Variants in CEP85L observed in about 807,000 individuals in gnomAD.
CEP85L encodes centrosomal protein of 85 kDa-like.
A neutral mutation model predicts 100.3 loss-of-function variants in CEP85L; 60 were observed. The observed-to-expected ratio is 0.60, with a 90% CI of 0.49 to 0.74. The LOEUF is 0.74. Ranked by LOEUF, CEP85L falls within the 30% of genes least tolerant of loss-of-function variation. The probability of loss-of-function intolerance (pLI) is 0.00; values close to 1 mark genes in which losing one functional copy is unlikely to be tolerated. For missense variants in CEP85L, 973 were observed against 936.2 expected, an observed-to-expected ratio of 1.04 and a Z score of -0.51; for synonymous variants, 319 against 322.7, an observed-to-expected ratio of 0.99 and a Z score of 0.12.
rs1239856817 is a variant in CEP85L, at chr6:118,460,925, T to C, written c.*4480A>G. On this transcript the variant is annotated 3_prime_UTR_variant, in exon 13 of 13. Transcript: ENST00000368491. ...TTCAAAATTCTAGCTGTAAACCCTA[T>C]TAAAAAACAGAACAACAAGAAGAAA... The C allele has an allele frequency of 1.3e-5, 2 of 151,508 alleles. No homozygotes were observed. The highest frequency in any genetic ancestry group is 6.6e-5 in the Admixed American group (1 of 15,180). The allele number at this position is 151,508 out of a possible 1,614,324, so 9.4% of individuals were successfully genotyped here.
At chr6:118,502,288 G>A (rs2114670014) in intron 5 of CEP85L, 1 of 533,132 alleles carries the variant, frequency 1.9e-6, no homozygotes, top group East Asian at 3.5e-5. Context: ...TTTAATCTAT[G>A]CAATCTATGG....
In CEP85L at chr6:118,565,776, G is replaced by A. The variant is rs911710858; in HGVS notation, c.773C>T (p.Ala258Val). 4 of 1,613,998 alleles carry A rather than the reference G, an allele frequency of 2.5e-6. No individual in the cohort carries two copies. The Admixed American group carries it at 6.7e-5, about 27-fold the overall frequency. ...CATAATGGGCTTGCTTTCAGGTAAG[G>A]CACTATATGTCATGTCTACAGGCTG... ...RRQPVDMTYS[A>V]LPESKPIMTS... The change falls in exon 3 of 13, where the codon GCC (alanine) becomes GTC (valine). Residue 258 changes from alanine (A) to valine (V), a missense_variant. By Grantham distance (64) the Ala-to-Val change is moderately conservative. Coordinates refer to ENST00000368491, the MANE Select transcript of CEP85L (RefSeq NM_001042475.3).
intron 2 of CEP85L, among the ~76,000 whole-genome samples, chr6:118,624,315 T>C (rs1773644649): frequency 6.6e-6 from 1 of 152,174 alleles, no homozygotes; most frequent in Admixed American, 6.5e-5. Context: ...AGTAGGATTA[T>C]ATACTGTAGC....
At chr6:118,554,854 T>C (rs755451142) in intron 3 of CEP85L, among the ~76,000 whole-genome samples, 124 of 151,946 alleles carry the variant, frequency 8.2e-4, no homozygotes, top group Non-Finnish European at 1.6e-3. Context: ...AAGAACAAAA[T>C]CACAAAAGGG....
intron 5 of CEP85L, chr6:118,502,152 G>A (rs949181398): frequency 2.6e-6 from 3 of 1,154,712 alleles, no homozygotes; most frequent in Non-Finnish European, 3.7e-6. Context: ...TGAATATTCT[G>A]CAGGGGTTCA....
chr6:118,576,909 G>A (rs149156332), intron 2 of CEP85L, among the ~76,000 whole-genome samples: 50 of 152,278 alleles, frequency 3.3e-4, no homozygotes, highest in African/African-American at 1.1e-3. Flanking sequence ...AAACAAAAGC[G>A]ATTGTTACGC....
intron 2 of CEP85L, among the ~76,000 whole-genome samples, chr6:118,611,086 G>GA (rs1461676549): frequency 5.3e-5 from 8 of 152,076 alleles, no homozygotes; most frequent in East Asian, 1.9e-4. Context: ...TACAAAGGAA[G>GA]AAAAAACACA....
chr6:118,538,078 C>T (rs1777699885), intron 3 of CEP85L: 10 of 375,314 alleles, frequency 2.7e-5, no homozygotes, highest in Non-Finnish European at 3.7e-5. Flanking sequence ...GAACTGTGCA[C>T]TTAATATAAA....
At position 118,651,107 on chromosome 6, in the gene CEP85L, C is replaced by T. The variant is rs1279559496; in HGVS notation, c.73+90G>A. The stretch of plus-strand genomic sequence containing the variant: ...GGGAGGCGGCCGGGGTAAGACAGGC[C>T]TGAGGCGGGAGGGGAGCGGCGGCGA... On this transcript the variant is annotated intron_variant, in intron 1 of 12. Transcript: ENST00000368491. The T allele has an allele frequency of 2.1e-6, 3 of 1,416,860 alleles. No individual in the cohort carries two copies. In the East Asian group the frequency reaches 9.0e-5, roughly 43 times the overall value. 87.8% of individuals were successfully genotyped at this position (1,416,860 alleles called of 1,614,324 possible). A position where few individuals can be genotyped will look rare whatever the true frequency, so the allele number is the denominator to read the frequency against.
chr6:118,520,009 C>T (rs1776563763), intron 4 of CEP85L, among the ~76,000 whole-genome samples: 1 of 152,234 alleles, frequency 6.6e-6, no homozygotes, highest in South Asian at 2.1e-4. Context: ...GTAGGTTTTA[C>T]ATCTGAAAAT....
At chr6:118,651,808 C>A (rs1352714137), upstream of CEP85L, 1 of 985,770 alleles carries the variant, frequency 1.0e-6, no homozygotes, top group Non-Finnish European at 1.2e-6. Flanking sequence ...TCCATCCTCC[C>A]GCCCTGCGAG....
intron 5 of CEP85L, chr6:118,502,891 T>C: frequency 1.9e-6 from 1 of 528,060 alleles, no homozygotes; most frequent in Non-Finnish European, 3.5e-6. Flanking sequence ...CAGAAGATCT[T>C]GAAGAACCTA....
intron 1 of CEP85L, among the ~76,000 whole-genome samples, chr6:118,709,556 T>TGTGTGTGTGTGTGAGAGA (rs751698371): frequency 2.4e-4 from 34 of 142,322 alleles, no homozygotes; most frequent in African/African-American, 6.5e-4. Flanking sequence ...TGTGTGTGTG[T>TGTGTGTGTGTGTGAGAGA]GAGAGAGAGA....
At chr6:118,467,203 C>T (rs777091650) in intron 12 of CEP85L, among the ~76,000 whole-genome samples, 44 of 152,086 alleles carry the variant, frequency 2.9e-4, no homozygotes, top group Admixed American at 5.9e-4. Flanking sequence ...AGATAAATGT[C>T]TGGGTAAAGG....
chr6:118,704,399 C>G (rs1340606956), intron 1 of CEP85L, among the ~76,000 whole-genome samples: 3 of 152,180 alleles, frequency 2.0e-5, no homozygotes, highest in African/African-American at 7.2e-5. Flanking sequence ...GGGGTTTGTT[C>G]TGGGCCCCTT....
rs190144503 is a variant in CEP85L at position 118,569,756 on chromosome 6, T to C, written c.233-3440A>G. On this transcript the variant is annotated intron_variant, in intron 2 of 12. Coordinates refer to ENST00000368491, the MANE Select transcript of CEP85L (RefSeq NM_001042475.3). The stretch of plus-strand genomic sequence containing the variant: ...GTAACAGACAAAGGCTAAATACCCA[T>C]ACATATAAAGAGCTTCAACAAATCA... Among the ~76,000 whole-genome samples the C allele has an allele frequency of 2.6e-3, 399 of 151,448 alleles. 6 individuals carry two copies. The highest frequency in any genetic ancestry group is 0.025 in the Admixed American group (373 of 15,222).
intron 3 of CEP85L, among the ~76,000 whole-genome samples, chr6:118,549,990 G>T (rs1583026438): frequency 1.3e-5 from 2 of 151,982 alleles, no homozygotes; most frequent in South Asian, 4.1e-4. Flanking sequence ...ACCTTAAGGT[G>T]CAAGTTAAGT....
intron 4 of CEP85L, among the ~76,000 whole-genome samples, chr6:118,521,966 A>G (rs1360803573): frequency 2.0e-5 from 3 of 152,148 alleles, no homozygotes; most frequent in East Asian, 3.8e-4. Context: ...CTTATATCCA[A>G]TGGAATGGTA....
intron 3 of CEP85L, among the ~76,000 whole-genome samples, chr6:118,541,997 AT>A (rs1275461320): frequency 6.6e-6 from 1 of 152,216 alleles, no homozygotes; most frequent in Non-Finnish European, 1.5e-5. Flanking sequence ...ACATGAACTA[AT>A]GTTTAGGAAT....
Sources: gnomAD v4.1 joint callset for allele counts (sites outside exome capture counted in the v4.1 genomes callset) on GRCh38, gnomAD v4.1.1 for gene constraint, MANE v1.5 for transcripts, NCBI Gene and HGNC (gene_info 2026-07-23, HGNC 2026-07-21) for gene names.